Variants in HPSE2 observed in about 807,000 individuals in gnomAD.
HPSE2 encodes the protein inactive heparanase-2.
A neutral mutation model predicts 60.5 loss-of-function variants in HPSE2; 38 were observed. The ratio of observed to expected loss-of-function variants is 0.63; its 90% CI spans 0.48 to 0.82. The LOEUF (loss-of-function observed/expected upper bound fraction) is 0.82. Ranked by LOEUF, HPSE2 falls within the 40% of genes least tolerant of loss-of-function variation. HPSE2 has a pLI of 0.00. For synonymous variants in HPSE2, 295 were observed against 293.2 expected (o/e 1.01, Z -0.06); for missense variants, 713 against 740.4 (o/e 0.96, Z 0.43).
At chr10:99,038,370 G>C (rs1048637192) in intron 3 of HPSE2, among the ~76,000 whole-genome samples, 2 of 152,020 alleles carry the variant, frequency 1.3e-5, no homozygotes, top group Admixed American at 1.3e-4. Context: ...ATAACGACTT[G>C]GATGACTATC....
Position 98,482,634 on chromosome 10 carries a change from A to C in HPSE2, c.1613+2T>G. ...CCGAGCTATTTTCAGGTTGGCACGT[A>C]CTTGGACTTTAGGCCCTCCTGCCCA... On this transcript the variant is annotated splice_donor_variant, in intron 11 of 11. Coordinates refer to ENST00000370552, the MANE Select transcript of HPSE2 (RefSeq NM_021828.5). LOFTEE classifies it high-confidence loss of function. The C allele has an allele frequency of 6.2e-7, 1 of 1,614,114 alleles. No homozygotes were observed. Among genetic ancestry groups the C allele is most frequent in the Non-Finnish European group, 8.5e-7 (1 of 1,180,026 alleles).
chr10:99,014,550 G>C (rs1440882970), intron 3 of HPSE2, among the ~76,000 whole-genome samples: 1 of 152,124 alleles, frequency 6.6e-6, no homozygotes, highest in Non-Finnish European at 1.5e-5. Context: ...CACAATGGTT[G>C]AACTATTTAC....
the HPSE2 span, among the ~76,000 whole-genome samples, chr10:99,295,570 C>A: frequency 6.6e-6 from 1 of 152,070 alleles, no homozygotes; most frequent in Non-Finnish European, 1.5e-5. Context: ...TTTCTAAAAT[C>A]TTTGTAATAC....
At chr10:99,179,267 T>C (rs1026623151) in intron 2 of HPSE2, among the ~76,000 whole-genome samples, 1 of 152,152 alleles carries the variant, frequency 6.6e-6, no homozygotes, top group Non-Finnish European at 1.5e-5. Context: ...AAGTTTTCGC[T>C]AGGGCAATCA....
intron 3 of HPSE2, among the ~76,000 whole-genome samples, chr10:98,940,462 C>G (rs1954957856): frequency 7.0e-6 from 1 of 143,792 alleles, no homozygotes; most frequent in Non-Finnish European, 1.5e-5. Flanking sequence ...CACCTCTACG[C>G]AAATAAACTA....
At chr10:98,985,919 A>G (rs1304198734) in intron 3 of HPSE2, among the ~76,000 whole-genome samples, 1 of 152,230 alleles carries the variant, frequency 6.6e-6, no homozygotes, top group African/African-American at 2.4e-5. Context: ...TGGTAAAGGG[A>G]TCAATTCAAC....
At chr10:98,598,313 T>C (rs1945303961) in intron 9 of HPSE2, among the ~76,000 whole-genome samples, 1 of 150,790 alleles carries the variant, frequency 6.6e-6, no homozygotes, top group South Asian at 2.1e-4. Context: ...CAGGCTGACC[T>C]GGTGCCTGGG....
chr10:98,937,916 G>A (rs1954857472), intron 3 of HPSE2, among the ~76,000 whole-genome samples: 1 of 143,638 alleles, frequency 7.0e-6, no homozygotes, highest in Non-Finnish European at 1.5e-5. Context: ...TCAGACAGCA[G>A]CATTCGCGGT....
At chr10:99,183,643 C>A (rs953477275) in intron 2 of HPSE2, among the ~76,000 whole-genome samples, 19 of 152,140 alleles carry the variant, frequency 1.2e-4, no homozygotes, top group African/African-American at 4.3e-4. Flanking sequence ...GCTCCCATCT[C>A]CTCAACTGCA....
At chr10:98,954,027 C>A (rs867582126) in intron 3 of HPSE2, among the ~76,000 whole-genome samples, 1 of 151,962 alleles carries the variant, frequency 6.6e-6, no homozygotes, top group African/African-American at 2.4e-5. Context: ...CTAAGTTGGC[C>A]GGATGCGGTG....
intron 3 of HPSE2, among the ~76,000 whole-genome samples, chr10:98,999,154 TAC>T (rs1956717221): frequency 3.5e-5 from 5 of 141,068 alleles, no homozygotes; most frequent in Non-Finnish European, 7.6e-5. Flanking sequence ...TGGTATAGAC[TAC>T]GTGTGTGTGT....
rs7085350 is a variant in HPSE2, at chr10:98,772,968, C to A, written c.611-28912G>T. On this transcript the variant is annotated intron_variant, in intron 3 of 11. Coordinates refer to ENST00000370552, the MANE Select transcript of HPSE2 (RefSeq NM_021828.5). ...GGCTGAAATAAGCTCACGAGGTCAA[C>A]AAAGAATTATGATTGATTAGGAAGG... Among the ~76,000 whole-genome samples, 571 of 152,260 alleles carry A rather than the reference C, an allele frequency of 3.8e-3. 8 individuals are homozygous for A. The highest frequency in any genetic ancestry group is 0.013 in the African/African-American group (550 of 41,564).
chr10:99,265,293 G>A, the HPSE2 span, among the ~76,000 whole-genome samples: 1 of 152,034 alleles, frequency 6.6e-6, no homozygotes, highest in African/African-American at 2.4e-5. Context: ...CTCTCTTTTC[G>A]GACTCAGTCC....
At chr10:99,111,412 C>T (rs1844453053) in intron 3 of HPSE2, among the ~76,000 whole-genome samples, 1 of 152,114 alleles carries the variant, frequency 6.6e-6, no homozygotes, top group Admixed American at 6.5e-5. Context: ...TAGGACCCAC[C>T]TCTGCATAGT....
intron 3 of HPSE2, among the ~76,000 whole-genome samples, chr10:99,071,859 G>A (rs1210413610): frequency 6.6e-6 from 1 of 152,130 alleles, no homozygotes; most frequent in Non-Finnish European, 1.5e-5. Flanking sequence ...CACAGTTGTT[G>A]AAGATAGGTT....
intron 3 of HPSE2, among the ~76,000 whole-genome samples, chr10:98,950,607 T>C (rs1295641853): frequency 6.6e-6 from 1 of 152,218 alleles, no homozygotes; most frequent in African/African-American, 2.4e-5. Flanking sequence ...ACTTCTTTCA[T>C]GCTGATTTTC....
intron 3 of HPSE2, among the ~76,000 whole-genome samples, chr10:98,919,107 A>G (rs1007727506): frequency 6.6e-6 from 1 of 152,194 alleles, no homozygotes; most frequent in South Asian, 2.1e-4. Context: ...ATAAAAGATA[A>G]AGTGATCAAT....
intron 11 of HPSE2, among the ~76,000 whole-genome samples, chr10:98,477,924 G>T (rs1941088042): frequency 6.6e-6 from 1 of 151,762 alleles, no homozygotes; most frequent in Admixed American, 6.6e-5. Flanking sequence ...AAGGGATCTA[G>T]GTTGCACACT....
chr10:98,505,562 CT>C (rs1168580455), intron 9 of HPSE2, among the ~76,000 whole-genome samples: 1 of 152,188 alleles, frequency 6.6e-6, no homozygotes, highest in Non-Finnish European at 1.5e-5. Flanking sequence ...CACTTTCAGA[CT>C]TCTTAATTTT....
Sources: gnomAD v4.1 joint callset for allele counts (sites outside exome capture counted in the v4.1 genomes callset) on GRCh38, gnomAD v4.1.1 for gene constraint, MANE v1.5 for transcripts, NCBI Gene and HGNC (gene_info 2026-07-23, HGNC 2026-07-21) for gene names.